EPB41L4A: variants seen among roughly 807,000 people sequenced by gnomAD.
EPB41L4A encodes the protein erythrocyte membrane protein band 4.1 like 4A.
A neutral mutation model predicts 108.6 loss-of-function variants in EPB41L4A; 100 were observed. That is an observed-to-expected ratio of 0.92 (90% CI 0.78 to 1.09). The LOEUF is 1.09. Among genes scored for constraint, EPB41L4A ranks in the 50% least tolerant of loss-of-function variants. The pLI, the probability that EPB41L4A is intolerant of heterozygous loss-of-function variation, is 0.00. For synonymous variants in EPB41L4A, 319 were observed against 289.0 expected, an observed-to-expected ratio of 1.10 and a Z score of -1.05; for missense variants, 1,030 against 842.7, an observed-to-expected ratio of 1.22 and a Z score of -2.75.
At chr5:112,387,052 G>A (rs191425112) in intron 1 of EPB41L4A, among the ~76,000 whole-genome samples, 1,771 of 152,268 alleles carry the variant, frequency 0.012, 26 homozygotes, top group South Asian at 0.038. Context: ...TTGCTTCAAA[G>A]TGAAGCTCTC....
intron 18 of EPB41L4A, among the ~76,000 whole-genome samples, chr5:112,172,104 A>C (rs1760612655): frequency 6.6e-6 from 1 of 152,212 alleles, no homozygotes; most frequent in Non-Finnish European, 1.5e-5. Flanking sequence ...TGATCTGTCT[A>C]TAAAGACCTT....
chr5:112,332,970 T>A (rs973623274), intron 1 of EPB41L4A, among the ~76,000 whole-genome samples: 1 of 152,282 alleles, frequency 6.6e-6, no homozygotes, highest in East Asian at 1.9e-4. Context: ...ACACAGCATG[T>A]GGTATGGAAA....
intron 22 of EPB41L4A, among the ~76,000 whole-genome samples, chr5:112,168,472 C>T (rs1760379115): frequency 6.6e-6 from 1 of 152,160 alleles, no homozygotes; most frequent in African/African-American, 2.4e-5. Flanking sequence ...TATTCTGGCT[C>T]CAAATGGTCT....
intron 18 of EPB41L4A, among the ~76,000 whole-genome samples, chr5:112,179,704 T>C (rs191076986): frequency 2.0e-4 from 30 of 152,286 alleles, no homozygotes; most frequent in Admixed American, 1.6e-3. Context: ...TAGCATCATA[T>C]ATAATGTGAC....
In EPB41L4A at chr5:112,259,832, A is replaced by G; in HGVS notation, c.731+59T>C. ...TCTTTTCCCCAACTCTTTCACTGAC[A>G]CAGGAGTCCCATAAGCCCAAAACAT... On this transcript the variant is annotated intron_variant, in intron 8 of 22. Coordinates refer to ENST00000261486, the MANE Select transcript of EPB41L4A (RefSeq NM_022140.5). 3.3e-6 allele frequency: 4 copies of G among 1,207,566 alleles called. No individual in the cohort carries two copies. In the South Asian group the frequency reaches 4.9e-5, roughly 15 times the overall value. The allele number at this position is 1,207,566 out of a possible 1,614,324, so 74.8% of individuals were successfully genotyped here.
chr5:112,298,541 G>C (rs1289149403), intron 2 of EPB41L4A, among the ~76,000 whole-genome samples: 1 of 152,152 alleles, frequency 6.6e-6, no homozygotes, highest in African/African-American at 2.4e-5. Context: ...AAACACACTT[G>C]ATTATGGCGG....
Position 112,259,886 on chromosome 5 carries a change from C to CCTACCAGAA in EPB41L4A, c.727_731+4dup. The CCTACCAGAA allele has an allele frequency of 6.2e-7, 1 of 1,610,848 alleles. No homozygotes were observed. Among genetic ancestry groups the CCTACCAGAA allele is most frequent in the Non-Finnish European group, 8.5e-7 (1 of 1,177,050 alleles). ...ATGCCAACTCTGTTCTCAAGCCATA[C>CCTACCAGAA]CTACCAGAAATACTTCCCCACTTGC... On this transcript the variant is annotated splice_donor_region_variant and intron_variant, in intron 8 of 22. Coordinates refer to ENST00000261486, the MANE Select transcript of EPB41L4A (RefSeq NM_022140.5).
At chr5:112,183,913 G>A in intron 18 of EPB41L4A, 103 bp downstream of exon 18, 1 of 1,354,898 alleles carries the variant, frequency 7.4e-7, no homozygotes, top group Admixed American at 2.1e-5. Flanking sequence ...AATAAACAAT[G>A]AAATAATCCT....
chr5:112,209,541 T>A lies in EPB41L4A; in HGVS notation c.1178+351A>T, dbSNP rs1304991325. Among the ~76,000 whole-genome samples, 3 of 152,244 alleles carry A rather than the reference T, an allele frequency of 2.0e-5. 1 individual carries two copies. In the East Asian group the frequency reaches 5.8e-4, roughly 29 times the overall value. ...TATAATGAACACAGTACATTAAACA[T>A]GAATATCATCTACTTTATTTTACAA... On this transcript the variant is annotated intron_variant, in intron 13 of 22. Coordinates refer to ENST00000261486, the MANE Select transcript of EPB41L4A (RefSeq NM_022140.5).
chr5:112,307,382 T>A lies in EPB41L4A; in HGVS notation c.204+4A>T. On this transcript the variant is annotated splice_donor_region_variant and intron_variant, in intron 2 of 22. Transcript: ENST00000261486. ...AAAATTTAACACAAAGTCACCTTAC[T>A]CACCGTCTGATGGCTTCTGTCACAG... is the stretch of plus-strand genomic sequence containing the variant. The A allele has an allele frequency of 6.9e-6, 11 of 1,593,100 alleles. No individual in the cohort carries two copies. The highest frequency in any genetic ancestry group is 5.2e-6 in the Non-Finnish European group (6 of 1,161,918).
At chr5:112,310,093 G>A (rs190592752) in intron 1 of EPB41L4A, among the ~76,000 whole-genome samples, 62 of 152,304 alleles carry the variant, frequency 4.1e-4, no homozygotes, top group Middle Eastern at 6.8e-3. Flanking sequence ...TGGACTTGTG[G>A]CCTACAGAAC....
chr5:112,250,369 T>C (rs1750573170), intron 9 of EPB41L4A, among the ~76,000 whole-genome samples: 2 of 152,190 alleles, frequency 1.3e-5, no homozygotes, highest in African/African-American at 2.4e-5. Context: ...TTCACAGATA[T>C]GAACATAGAA....
chr5:112,262,920 G>C (rs1364185786), intron 6 of EPB41L4A, among the ~76,000 whole-genome samples: 1 of 152,126 alleles, frequency 6.6e-6, no homozygotes, highest in Admixed American at 6.5e-5. Context: ...TTCACAAAGA[G>C]TAAAATGTCT....
chr5:112,360,354 G>A (rs574797134), intron 1 of EPB41L4A, among the ~76,000 whole-genome samples: 1,555 of 152,266 alleles, frequency 0.01, 17 homozygotes, highest in African/African-American at 0.036. Flanking sequence ...CCGCCATCTC[G>A]GCTCACCGCA....
At chr5:112,365,662 T>C (rs923042214) in intron 1 of EPB41L4A, among the ~76,000 whole-genome samples, 3 of 152,200 alleles carry the variant, frequency 2.0e-5, no homozygotes, top group Non-Finnish European at 4.4e-5. Flanking sequence ...CCACATTTTA[T>C]TCAGATTTCA....
At chr5:112,235,114 C>T (rs1463580839) in intron 11 of EPB41L4A, among the ~76,000 whole-genome samples, 4 of 152,120 alleles carry the variant, frequency 2.6e-5, no homozygotes, top group African/African-American at 7.2e-5. Context: ...GCAATGATTC[C>T]ACATGAGCTC....
At chr5:112,418,366 G>A (rs1216093331) in intron 1 of EPB41L4A, among the ~76,000 whole-genome samples, 2 of 152,178 alleles carry the variant, frequency 1.3e-5, no homozygotes, top group Non-Finnish European at 2.9e-5. Context: ...AGTTATTACT[G>A]GGTCGCTTTG....
At position 112,259,941 on chromosome 5, in the gene EPB41L4A, C is replaced by T. The variant is rs909234793; in HGVS notation, c.681G>A (p.Pro227=). ...TATTCTTGTACACAACAACACCAAC[C>T]GGAGTTAATCCTAAGAAATACTCAG... ...NKSEYFLGLT[P]VGVVVYKNKK... The change falls in exon 8 of 23, where the codon CCG becomes CCA. Residue 227 remains proline, a synonymous_variant. Transcript: ENST00000261486. The T allele has an allele frequency of 1.6e-5, 26 of 1,613,934 alleles. No homozygotes were observed. Among genetic ancestry groups the T allele is most frequent in the Admixed American group, 5.0e-5 (3 of 59,994 alleles).
At chr5:112,256,293 A>G (rs1207103103) in intron 9 of EPB41L4A, among the ~76,000 whole-genome samples, 1 of 152,212 alleles carries the variant, frequency 6.6e-6, no homozygotes, top group African/African-American at 2.4e-5. Flanking sequence ...TATTTTCATT[A>G]AAACAGAAAG....
Sources: gnomAD v4.1 joint callset for allele counts (sites outside exome capture counted in the v4.1 genomes callset) on GRCh38, gnomAD v4.1.1 for gene constraint, MANE v1.5 for transcripts, NCBI Gene and HGNC (gene_info 2026-07-23, HGNC 2026-07-21) for gene names.